Variants in LMF1 observed in about 807,000 individuals in gnomAD.
LMF1 encodes lipase maturation factor 1, also known as transmembrane protein 112.
LMF1 carries 68 observed loss-of-function variants against 60.6 expected under a neutral mutation model. The ratio of observed to expected loss-of-function variants is 1.12; its 90% CI spans 0.92 to 1.37. The LOEUF (loss-of-function observed/expected upper bound fraction) is 1.37, where lower values mean the gene tolerates loss of function less well. Ranked by LOEUF, LMF1 falls within the 40% of genes most tolerant of loss-of-function variation. The pLI, the probability that LMF1 is intolerant of heterozygous loss-of-function variation, is 0.00. For synonymous variants in LMF1, 418 were observed against 324.7 expected (o/e 1.29, Z -3.09); for missense variants, 948 against 767.2 (o/e 1.24, Z -2.78).
chr16:972,657 C>A (rs2073072891), upstream of LMF1, among the ~76,000 whole-genome samples: 1 of 152,230 alleles, frequency 6.6e-6, no homozygotes, highest in South Asian at 2.1e-4. Flanking sequence ...CTGCGCTGTC[C>A]TCAGGTGGGG....
chr16:922,398 T>C (rs1597000338), intron 3 of LMF1, among the ~76,000 whole-genome samples: 1 of 152,202 alleles, frequency 6.6e-6, no homozygotes, highest in Admixed American at 6.5e-5. Context: ...GAGCGGCCAC[T>C]GGGGAACTGA....
intron 1 of LMF1, among the ~76,000 whole-genome samples, chr16:955,372 G>T (rs1400507247): frequency 6.8e-6 from 1 of 147,168 alleles, no homozygotes; most frequent in Non-Finnish European, 1.5e-5. Flanking sequence ...TAAAATGCGT[G>T]CCCGCAGCAG....
chr16:931,886 C>T, intron 3 of LMF1: 2 of 1,070,246 alleles, frequency 1.9e-6, no homozygotes, highest in East Asian at 6.1e-5. Flanking sequence ...GCTTCTGAGT[C>T]CCTACAATTA....
upstream of LMF1, among the ~76,000 whole-genome samples, chr16:975,521 G>C (rs1318310594): frequency 6.6e-6 from 1 of 152,212 alleles, no homozygotes; most frequent in Non-Finnish European, 1.5e-5. Context: ...GTGTCGCCAG[G>C]CGGTGCTGTC....
chr16:963,622 C>A (rs2072862138), intron 1 of LMF1, among the ~76,000 whole-genome samples: 1 of 152,160 alleles, frequency 6.6e-6, no homozygotes. Flanking sequence ...GCCCAGCCTT[C>A]ATTGGTGCTA....
At chr16:917,097 T>C (rs2071299209) in intron 3 of LMF1, among the ~76,000 whole-genome samples, 1 of 152,188 alleles carries the variant, frequency 6.6e-6, no homozygotes, top group African/African-American at 2.4e-5. Flanking sequence ...GTCACGTGTA[T>C]GGGGCCATCT....
chr16:970,726 G>A (rs1390551876), intron 1 of LMF1, 62 bp downstream of exon 1: 14 of 1,433,716 alleles, frequency 9.8e-6, no homozygotes, highest in South Asian at 1.3e-5. Context: ...CTCGAGGGAG[G>A]GCGGGGGTCG....
rs372333537 is a variant in LMF1, at chr16:879,629, A to G, written c.838T>C (p.Phe280Leu). The change falls in exon 6 of 11, where the codon TTC (phenylalanine) becomes CTC (leucine). Residue 280 changes from phenylalanine (F) to leucine (L), a missense_variant. By Grantham distance (22) the Phe-to-Leu change is conservative. Coordinates refer to ENST00000262301, the MANE Select transcript of LMF1 (RefSeq NM_022773.4). ...NHFIELLVPF[F>L]LFLGRRACII... The stretch of plus-strand genomic sequence containing the variant: ...CACGCCCGCCGGCCGAGGAAGAGGA[A>G]GAAGGGCACCAGGAGCTCGATGAAG... 1.3e-5 allele frequency: 21 copies of G among 1,613,420 alleles called. No homozygotes were observed. The highest frequency in any genetic ancestry group is 1.1e-4 in the East Asian group (5 of 44,874).
chr16:933,473 G>A (rs1052830287), intron 3 of LMF1: 7 of 159,034 alleles, frequency 4.4e-5, no homozygotes, highest in Admixed American at 4.1e-4. Context: ...AAAGATCCAC[G>A]CCCAGACAGG....
chr16:911,399 A>T (rs2071108776), intron 3 of LMF1, among the ~76,000 whole-genome samples: 1 of 151,992 alleles, frequency 6.6e-6, no homozygotes, highest in African/African-American at 2.4e-5. Context: ...GACATCTGAG[A>T]ATGCGCCCTG....
At chr16:952,881 CCACA>C (rs2072520025) in intron 2 of LMF1, among the ~76,000 whole-genome samples, 1 of 139,278 alleles carries the variant, frequency 7.2e-6, no homozygotes, top group East Asian at 2.2e-4. Flanking sequence ...TCCTACACAT[CCACA>C]CAGACACCCA....
intron 1 of LMF1, among the ~76,000 whole-genome samples, chr16:963,410 A>G (rs1183630336): frequency 1.3e-5 from 2 of 151,928 alleles, no homozygotes; most frequent in Non-Finnish European, 2.9e-5. Flanking sequence ...ATGTGTCTGT[A>G]CACATGTGCA....
Position 977,282 on chromosome 16 carries a change from T to C in LMF1, c.-135+3863A>G, listed in dbSNP as rs566076682. Among the ~76,000 whole-genome samples, 213 of 152,268 alleles carry C rather than the reference T, an allele frequency of 1.4e-3. 1 individual carries two copies. The highest frequency in any genetic ancestry group is 2.4e-3 in the Non-Finnish European group (162 of 67,966). Reference sequence around the variant, plus strand: ...CCCGAGACAGTGAAGTACAGGGAGCTGCAACCCAGCCCAGAGCTCCAAGTG... The same window carrying C: ...CCCGAGACAGTGAAGTACAGGGAGCCGCAACCCAGCCCAGAGCTCCAAGTG... On this transcript the variant is annotated intron_variant, in intron 1 of 6. Transcript: ENST00000570014.
chr16:931,384 A>C (rs1000520695), intron 3 of LMF1, among the ~76,000 whole-genome samples: 1 of 151,850 alleles, frequency 6.6e-6, no homozygotes, highest in African/African-American at 2.4e-5. Flanking sequence ...CCAGTGACCG[A>C]CCCCGTGCCC....
upstream of LMF1, chr16:970,986 G>A (rs1224065255): frequency 1.3e-6 from 2 of 1,487,680 alleles, no homozygotes; most frequent in African/African-American, 1.4e-5. Flanking sequence ...CGCATGTGCG[G>A]GGAGGGCGCA....
intron 5 of LMF1, among the ~76,000 whole-genome samples, chr16:889,357 C>T (rs538640904): frequency 2.0e-5 from 3 of 146,560 alleles, no homozygotes; most frequent in South Asian, 2.1e-4. Flanking sequence ...TGTGAGGCTG[C>T]GGATGGCCAT....
intron 4 of LMF1, among the ~76,000 whole-genome samples, chr16:898,390 G>A (rs1005845559): frequency 6.6e-6 from 1 of 152,254 alleles, no homozygotes; most frequent in African/African-American, 2.4e-5. Flanking sequence ...CTGACTTTCT[G>A]ACCAATGCCA....
chr16:914,714 C>T (rs1166254757), intron 3 of LMF1, among the ~76,000 whole-genome samples: 2 of 836 alleles, frequency 2.4e-3, no homozygotes, highest in Admixed American at 0.016. Context: ...CTCCCACGAC[C>T]ATTGGTGACA....
chr16:979,137 T>C (rs1423293879), intron 1 of LMF1: 3 of 450,928 alleles, frequency 6.7e-6, no homozygotes, highest in Non-Finnish European at 1.3e-5. Context: ...GCTTAATTAA[T>C]ACCTGGTGAC....
Sources: gnomAD v4.1 joint callset for allele counts (sites outside exome capture counted in the v4.1 genomes callset) on GRCh38, gnomAD v4.1.1 for gene constraint, MANE v1.5 for transcripts, NCBI Gene and HGNC (gene_info 2026-07-23, HGNC 2026-07-21) for gene names.